Variants in DENND2B observed in about 807,000 individuals in gnomAD.
DENND2B encodes the protein DENN domain-containing protein 2B.
In DENND2B, 32 loss-of-function variants were observed where a neutral mutation model predicts 116.0. The observed-to-expected ratio is 0.28, with a 90% CI of 0.21 to 0.37. DENND2B has a LOEUF of 0.37. Among genes scored for constraint, DENND2B ranks in the 10% least tolerant of loss-of-function variants. The pLI is 1.00. For synonymous variants in DENND2B, 588 were observed against 583.9 expected (o/e 1.01, Z -0.10); for missense variants, 1,276 against 1,477.7 (o/e 0.86, Z 2.24).
At chr11:8,734,609 G>A (rs914548060) in intron 2 of DENND2B, among the ~76,000 whole-genome samples, 6 of 151,942 alleles carry the variant, frequency 3.9e-5, no homozygotes, top group East Asian at 1.9e-4. Flanking sequence ...CCAACATGGC[G>A]AAACCCAGTC....
intron 3 of DENND2B, among the ~76,000 whole-genome samples, chr11:8,854,574 G>A (rs1472998460): frequency 2.0e-5 from 3 of 152,162 alleles, no homozygotes; most frequent in Non-Finnish European, 4.4e-5. Context: ...GGAGCTCACA[G>A]ACACAAAAAA....
intron 1 of DENND2B, among the ~76,000 whole-genome samples, chr11:8,793,038 C>T (rs981141480): frequency 1.3e-5 from 2 of 152,104 alleles, no homozygotes; most frequent in South Asian, 2.1e-4. Flanking sequence ...TTCAATTGTC[C>T]GTCAAAAGGG....
chr11:8,794,244 C>G (rs2059626731), intron 1 of DENND2B, among the ~76,000 whole-genome samples: 1 of 152,224 alleles, frequency 6.6e-6, no homozygotes, highest in South Asian at 2.1e-4. Flanking sequence ...CCTAAATGGG[C>G]AGAGGTGAGA....
chr11:8,764,870 G>A (rs1421483573), intron 1 of DENND2B, among the ~76,000 whole-genome samples: 9 of 150,374 alleles, frequency 6.0e-5, no homozygotes, highest in East Asian at 5.9e-4. Context: ...GCTTGAACCC[G>A]GGAGGCAGAG....
chr11:8,708,808 G>A (rs182872075), intron 11 of DENND2B, among the ~76,000 whole-genome samples: 4 of 152,198 alleles, frequency 2.6e-5, no homozygotes, highest in Middle Eastern at 3.4e-3. Context: ...AAAATTAGCC[G>A]GTCATAGTGG....
intron 1 of DENND2B, among the ~76,000 whole-genome samples, chr11:8,805,827 T>C (rs1192350189): frequency 6.6e-6 from 1 of 152,148 alleles, no homozygotes; most frequent in African/African-American, 2.4e-5. Flanking sequence ...TACTTCTGCG[T>C]TCCTCCCCAG....
At chr11:8,773,025 C>A (rs1434698381) in intron 1 of DENND2B, among the ~76,000 whole-genome samples, 1 of 152,146 alleles carries the variant, frequency 6.6e-6, no homozygotes. Flanking sequence ...AGTGCTTTTA[C>A]ACAAATCCAG....
At chr11:8,740,721 G>A (rs1231344847) in intron 2 of DENND2B, among the ~76,000 whole-genome samples, 1 of 152,184 alleles carries the variant, frequency 6.6e-6, no homozygotes, top group Non-Finnish European at 1.5e-5. Flanking sequence ...TGTCTAGCCT[G>A]CTTCAAATGA....
intron 2 of DENND2B, among the ~76,000 whole-genome samples, chr11:8,880,263 A>C (rs2063888053): frequency 6.6e-6 from 1 of 151,898 alleles, no homozygotes; most frequent in Non-Finnish European, 1.5e-5. Context: ...TCAACTTTCA[A>C]CTAATCAAGA....
intron 2 of DENND2B, among the ~76,000 whole-genome samples, chr11:8,858,679 G>C (rs1257058295): frequency 6.6e-6 from 1 of 152,180 alleles, no homozygotes; most frequent in Admixed American, 6.5e-5. Flanking sequence ...TCATTGCTAT[G>C]TGGAGAAGAG....
intron 1 of DENND2B, among the ~76,000 whole-genome samples, chr11:8,801,582 C>G (rs886207804): frequency 6.6e-6 from 1 of 151,002 alleles, no homozygotes; most frequent in Non-Finnish European, 1.5e-5. Flanking sequence ...TAGGCTGAGA[C>G]AGGAGAATTA....
In DENND2B at chr11:8,712,518, A is replaced by C. The variant is rs111431629; in HGVS notation, c.2172+33T>G. ...GCGGATAGAGGATGGAAGAGGGGGAATATGGGCAAGGTGGGGAGAGAGAAG... is the reference window on the plus strand; with the variant it reads ...GCGGATAGAGGATGGAAGAGGGGGACTATGGGCAAGGTGGGGAGAGAGAAG... On this transcript the variant is annotated intron_variant, in intron 9 of 19. Coordinates refer to ENST00000313726, the MANE Select transcript of DENND2B (RefSeq NM_213618.2). The surrounding 1 kb of genome is among the most constrained non-coding windows in gnomAD (Gnocchi z 4.4). The C allele has an allele frequency of 6.5e-7, 1 of 1,539,218 alleles. No homozygotes were observed. Among genetic ancestry groups the C allele is most frequent in the East Asian group, 2.5e-5 (1 of 40,698 alleles).
In DENND2B at chr11:8,699,004, T is replaced by C. The variant is rs1452524122; in HGVS notation, c.2899-30A>G. 1.9e-6 allele frequency: 3 copies of C among 1,613,310 alleles called. No homozygotes were observed. In the African/African-American group the frequency reaches 4.0e-5, roughly 22 times the overall value. ...GAAAAGGAGTCATTAGCAGAGTGGC[T>C]CAGGGCATGAGTCCCGCAATGCCCT... On this transcript the variant is annotated intron_variant, in intron 15 of 19. Coordinates refer to ENST00000313726, the MANE Select transcript of DENND2B (RefSeq NM_213618.2).
chr11:8,880,321 T>A (rs998245276), intron 2 of DENND2B, among the ~76,000 whole-genome samples: 4 of 150,158 alleles, frequency 2.7e-5, no homozygotes, highest in African/African-American at 9.8e-5. Flanking sequence ...AGGTTACAGA[T>A]GCACTGGAAG....
chr11:8,705,385 C>T (rs987472519), intron 13 of DENND2B, among the ~76,000 whole-genome samples: 3 of 152,158 alleles, frequency 2.0e-5, no homozygotes, highest in Non-Finnish European at 4.4e-5. Context: ...GATCTTGCCA[C>T]GCCTCATCCT....
chr11:8,891,655 T>C (rs2064034496), intron 1 of DENND2B, among the ~76,000 whole-genome samples: 1 of 152,166 alleles, frequency 6.6e-6, no homozygotes, highest in South Asian at 2.1e-4. Context: ...GGCCATTACA[T>C]AATGGTAAAG....
chr11:8,693,799 G>A lies in DENND2B; in HGVS notation c.*297C>T, dbSNP rs1313864675. The A allele has an allele frequency of 5.9e-5, 20 of 338,840 alleles. No individual in the cohort carries two copies. The highest frequency in any genetic ancestry group is 1.3e-4 in the South Asian group (3 of 22,770). 21.0% of individuals were successfully genotyped at this position (338,840 alleles called of 1,614,324 possible). On this transcript the variant is annotated 3_prime_UTR_variant, in exon 20 of 20. Transcript: ENST00000313726. The stretch of plus-strand genomic sequence containing the variant: ...CAGCTGCACAAAACTGGCCAGTCAC[G>A]AGCACCCAGCGAAACTTCATCCATG...
chr11:8,738,154 G>A (rs2049443309), intron 2 of DENND2B, among the ~76,000 whole-genome samples: 1 of 152,158 alleles, frequency 6.6e-6, no homozygotes, highest in South Asian at 2.1e-4. Flanking sequence ...CGAAGAGGTG[G>A]GGACCCAACG....
chr11:8,871,710 A>G (rs1215890577), upstream of DENND2B, among the ~76,000 whole-genome samples: 4 of 152,230 alleles, frequency 2.6e-5, no homozygotes, highest in Non-Finnish European at 5.9e-5. Flanking sequence ...TCCAAAAGGG[A>G]TTCTGAAATT....
Sources: allele counts gnomAD v4.1 joint callset (sites outside exome capture counted in the v4.1 genomes callset), GRCh38; gene constraint gnomAD v4.1.1; non-coding constraint Gnocchi (gnomAD v3.1); transcripts MANE v1.5; gene names NCBI Gene and HGNC (gene_info 2026-07-23, HGNC 2026-07-21).